Variants in ADGRG5 observed in about 807,000 individuals in gnomAD.
ADGRG5 encodes adhesion G protein-coupled receptor G5.
In ADGRG5, 37 loss-of-function variants were observed where a neutral mutation model predicts 53.2. The observed-to-expected ratio is 0.70, with a 90% CI of 0.53 to 0.91. ADGRG5 has a LOEUF of 0.91. Ranked by LOEUF, ADGRG5 falls within the 40% of genes least tolerant of loss-of-function variation. The pLI, the probability that ADGRG5 is intolerant of heterozygous loss-of-function variation, is 0.00. For synonymous variants in ADGRG5, 277 were observed against 290.4 expected, an observed-to-expected ratio of 0.95 and a Z score of 0.47; for missense variants, 614 against 675.8, an observed-to-expected ratio of 0.91 and a Z score of 1.01.
intron 6 of ADGRG5, 120 bp downstream of exon 6, chr16:57,565,270 A>G: frequency 1.5e-6 from 1 of 667,312 alleles, no homozygotes. Context: ...TCACACTTTG[A>G]AAATTCCTGC....
chr16:57,534,573 C>G, the ADGRG5 span, among the ~76,000 whole-genome samples: 7,131 of 152,264 alleles, frequency 0.047, 519 homozygotes, highest in African/African-American at 0.16. Flanking sequence ...CACCAGGCAC[C>G]TCCGTGTTCT....
upstream of ADGRG5, among the ~76,000 whole-genome samples, chr16:57,539,262 A>G (rs540543027): frequency 6.6e-6 from 1 of 152,304 alleles, no homozygotes; most frequent in South Asian, 2.1e-4. Flanking sequence ...AAGATGAGGC[A>G]CTTAGAGTGG....
chr16:57,534,577 G>A, the ADGRG5 span, among the ~76,000 whole-genome samples: 16 of 152,138 alleles, frequency 1.1e-4, no homozygotes, highest in Non-Finnish European at 8.8e-5. Flanking sequence ...AGGCACCTCC[G>A]TGTTCTACAG....
chr16:57,551,743 A>G (rs1168839841), intron 1 of ADGRG5, among the ~76,000 whole-genome samples: 1 of 152,228 alleles, frequency 6.6e-6, no homozygotes, highest in Non-Finnish European at 1.5e-5. Context: ...CATGAATCAC[A>G]ATCACATGTT....
At chr16:57,571,886 C>G (rs1489589052) in intron 10 of ADGRG5, among the ~76,000 whole-genome samples, 1 of 151,826 alleles carries the variant, frequency 6.6e-6, no homozygotes, top group Non-Finnish European at 1.5e-5. Context: ...TCAGGTGATC[C>G]GTCTGCCTTG....
chr16:57,570,357 GC>G, intron 9 of ADGRG5, 60 bp from the exon 10 acceptor site: 1 of 1,090,584 alleles, frequency 9.2e-7, no homozygotes, highest in Non-Finnish European at 1.4e-6. Context: ...CCCAGGGACC[GC>G]CCCAGGGACC....
upstream of ADGRG5, among the ~76,000 whole-genome samples, chr16:57,537,792 T>C (rs1444450032): frequency 6.6e-6 from 1 of 152,214 alleles, no homozygotes; most frequent in African/African-American, 2.4e-5. Flanking sequence ...GTTTCACTTG[T>C]CGATTCATTT....
intron 1 of ADGRG5, among the ~76,000 whole-genome samples, chr16:57,552,725 T>C (rs12232444): frequency 0.42 from 63,789 of 152,100 alleles, 13,829 homozygotes; most frequent in East Asian, 0.68. Flanking sequence ...TTAAGAGCTT[T>C]TCCTTTGCAT....
intron 1 of ADGRG5, among the ~76,000 whole-genome samples, chr16:57,558,340 C>T (rs58639052): frequency 0.014 from 2,063 of 152,308 alleles, 52 homozygotes; most frequent in African/African-American, 0.048. Context: ...AGTGGTGGAC[C>T]GTCCCTACAT....
At chr16:57,559,301 C>T (rs1454415171) in intron 1 of ADGRG5, among the ~76,000 whole-genome samples, 1 of 152,196 alleles carries the variant, frequency 6.6e-6, no homozygotes, top group Non-Finnish European at 1.5e-5. Flanking sequence ...AGGTGTTTAT[C>T]TCTCGGCAGC....
chr16:57,532,456 T>C, the ADGRG5 span, among the ~76,000 whole-genome samples: 1 of 152,110 alleles, frequency 6.6e-6, no homozygotes, highest in Non-Finnish European at 1.5e-5. Context: ...TGGCTGGCCT[T>C]GATGCCCATG....
At chr16:57,563,477 T>C (rs1384530051) in intron 4 of ADGRG5, among the ~76,000 whole-genome samples, 2 of 152,240 alleles carry the variant, frequency 1.3e-5, no homozygotes, top group Non-Finnish European at 2.9e-5. Flanking sequence ...CAGAATCTTC[T>C]TCCTGCTTTG....
At chr16:57,545,475 C>T (rs377267234) in intron 1 of ADGRG5, among the ~76,000 whole-genome samples, 144 of 152,246 alleles carry the variant, frequency 9.5e-4, no homozygotes, top group African/African-American at 3.3e-3. Context: ...TCGCTTGAGC[C>T]CAGGTGTTGG....
intron 1 of ADGRG5, among the ~76,000 whole-genome samples, chr16:57,551,195 A>G (rs749372989): frequency 6.3e-4 from 96 of 152,266 alleles, no homozygotes; most frequent in Non-Finnish European, 9.9e-4. Context: ...TGCTGGTGGA[A>G]AGTCTTGCCT....
chr16:57,569,056 G>A (rs550195763), intron 9 of ADGRG5, among the ~76,000 whole-genome samples: 70 of 86,862 alleles, frequency 8.1e-4, no homozygotes, highest in Admixed American at 4.1e-3. Context: ...CTCCGTTATC[G>A]CCATCACCTC....
chr16:57,554,594 T>C (rs1014964038), intron 1 of ADGRG5, among the ~76,000 whole-genome samples: 3 of 152,154 alleles, frequency 2.0e-5, no homozygotes, highest in South Asian at 2.1e-4. Context: ...GCCAGGATGG[T>C]CTCAATCTCC....
chr16:57,562,262 G>A (rs557850117), intron 2 of ADGRG5, 105 bp downstream of exon 2: 1 of 1,413,460 alleles, frequency 7.1e-7, no homozygotes, highest in South Asian at 1.2e-5. Context: ...GGCCACTTAG[G>A]CTTCCTGGGG....
chr16:57,546,077 C>T (rs564751274), intron 1 of ADGRG5, among the ~76,000 whole-genome samples: 12 of 152,250 alleles, frequency 7.9e-5, no homozygotes, highest in African/African-American at 2.6e-4. Flanking sequence ...CCTCCTGCCT[C>T]GGCCTCCCAA....
chr16:57,560,402 C>T (rs1402167400), intron 1 of ADGRG5, among the ~76,000 whole-genome samples: 1 of 152,230 alleles, frequency 6.6e-6, no homozygotes, highest in Non-Finnish European at 1.5e-5. Context: ...AATTGCTTGG[C>T]AGAGCTTGGT....
Sources: gnomAD v4.1 joint callset for allele counts (sites outside exome capture counted in the v4.1 genomes callset) on GRCh38, gnomAD v4.1.1 for gene constraint, MANE v1.5 for transcripts, NCBI Gene and HGNC (gene_info 2026-07-23, HGNC 2026-07-21) for gene names.